Variants in DUSP7 observed in about 807,000 individuals in gnomAD.
DUSP7 encodes the protein dual specificity phosphatase 7, also known as dual specificity protein phosphatase 7.
A neutral mutation model predicts 29.8 loss-of-function variants in DUSP7; 7 were observed. The observed-to-expected ratio is 0.24, with a 90% CI of 0.13 to 0.44. The LOEUF is 0.44. DUSP7 is among the 20% of genes least tolerant of loss of function. The pLI is 1.00. For synonymous variants in DUSP7, 287 were observed against 275.4 expected, an observed-to-expected ratio of 1.04 and a Z score of -0.42; for missense variants, 400 against 583.7, an observed-to-expected ratio of 0.69 and a Z score of 3.24.
intron 2 of DUSP7, chr3:52,052,656 T>TTAGGA (rs1312465287): frequency 2.6e-5 from 4 of 152,392 alleles, no homozygotes; most frequent in African/African-American, 9.6e-5. Context: ...TGACTGATCC[T>TTAGGA]GTCCCACTGA....
rs374933715 is a variant in DUSP7 at position 52,056,037 on chromosome 3, G to A, written c.330C>T (p.Pro110=). 34 of 1,597,640 alleles carry A rather than the reference G, an allele frequency of 2.1e-5. No homozygotes were observed. Among genetic ancestry groups the A allele is most frequent in the Admixed American group, 3.5e-5 (2 of 57,728 alleles). Residue 110 remains proline, a synonymous_variant, in exon 1 of 3, where the codon CCC becomes CCT. Coordinates refer to ENST00000495880, the MANE Select transcript of DUSP7 (RefSeq NM_001947.4). The surrounding 1 kb of genome is among the most constrained non-coding windows in gnomAD (Gnocchi z 6.4). The part of the protein sequence containing the change: ...MLRRLRKGNL[P]IRSIIPNHAD... ...CGTGGTTGGGGATGATGGAGCGGAT[G>A]GGCAGGTTGCCCTTGCGCAGGCGGC... is the stretch of plus-strand genomic sequence containing the variant.
rs1280327699 is a variant in DUSP7 at position 52,056,109 on chromosome 3, C to A, written c.258G>T (p.Ser86=). The change falls in exon 1 of 3, where the codon TCG becomes TCT. Residue 86 remains serine (S), a synonymous_variant. Transcript: ENST00000495880. This position sits in a 1 kb window ranked among gnomAD's most constrained non-coding sequence, Gnocchi z 6.4. ...CCAGGTTGATGGCCGTCTCGATGTGCGACGACTCGAAGAGCTCGTGCGGCC... is the reference window on the plus strand; with the variant it reads ...CCAGGTTGATGGCCGTCTCGATGTGAGACGACTCGAAGAGCTCGTGCGGCC... ...DCRPHELFES[S]HIETAINLAI... The A allele has an allele frequency of 2.5e-6, 4 of 1,606,764 alleles. No homozygotes were observed. The highest frequency in any genetic ancestry group is 1.3e-5 in the African/African-American group (1 of 74,874).
rs545466585 is a variant in DUSP7, at chr3:52,053,644, C to G, written c.952+296G>C. 1.1e-5 allele frequency: 5 copies of G among 450,112 alleles called. No individual in the cohort carries two copies. The highest frequency in any genetic ancestry group is 2.0e-5 in the African/African-American group (1 of 50,684). 27.9% of individuals were successfully genotyped at this position (450,112 alleles called of 1,614,324 possible). A position where few individuals can be genotyped will look rare whatever the true frequency, so the allele number is the denominator to read the frequency against. ...CTGTGATGTTTCAGCTTGCTAAGCC[C>G]GAAACAACATCTAAGCCAGGAAAAC... On this transcript the variant is annotated intron_variant, in intron 2 of 2. Coordinates refer to ENST00000495880, the MANE Select transcript of DUSP7 (RefSeq NM_001947.4). This position sits in a 1 kb window ranked among gnomAD's most constrained non-coding sequence, Gnocchi z 4.6.
In DUSP7 at chr3:52,054,567, T is replaced by A. The variant is rs887662072; in HGVS notation, c.518-193A>T. ...ATCTAAACCATGACCACTTCACAGATAAGGAAACTGAGGCCCCAGAAGGTG... is the reference window on the plus strand; with the variant it reads ...ATCTAAACCATGACCACTTCACAGAAAAGGAAACTGAGGCCCCAGAAGGTG... On this transcript the variant is annotated intron_variant, in intron 1 of 2. Transcript: ENST00000495880. This position sits in a 1 kb window ranked among gnomAD's most constrained non-coding sequence, Gnocchi z 4.1. Among the ~76,000 whole-genome samples, 1 of 152,088 alleles carries A rather than the reference T, an allele frequency of 6.6e-6. No homozygotes were observed. The highest frequency in any genetic ancestry group is 1.5e-5 in the Non-Finnish European group (1 of 68,004).
In DUSP7 at chr3:52,054,193, G is replaced by T; in HGVS notation, c.699C>A (p.Asp233Glu). 6.2e-7 allele frequency: 1 copy of T among 1,613,346 alleles called. No individual in the cohort carries two copies. Among genetic ancestry groups the T allele is most frequent in the Non-Finnish European group, 8.5e-7 (1 of 1,179,460 alleles). Residue 233 changes from aspartate to glutamate, a missense_variant, in exon 2 of 3, where the codon GAC (aspartate) becomes GAA (glutamate). Asp to Glu is a conservative substitution (Grantham distance 45). Around this residue, in one of 4 missense-constraint regions of DUSP7, gnomAD observed 223 missense variants for 360.9 expected, o/e 0.62. Transcript: ENST00000495880. This position sits in a 1 kb window ranked among gnomAD's most constrained non-coding sequence, Gnocchi z 4.1. Reference sequence around the variant, plus strand: ...GTTGGCTGGATGGCACAGGGCTGCCGTCTGACTCGGTGGCACTGCTGGGCA... The same window carrying T: ...GTTGGCTGGATGGCACAGGGCTGCCTTCTGACTCGGTGGCACTGCTGGGCA... Reference protein sequence around the residue: ...RELPSSATESDGSPVPSSQPA... With the variant: ...RELPSSATESEGSPVPSSQPA...
In DUSP7 at chr3:52,056,135, G is replaced by A. The variant is rs1184275523; in HGVS notation, c.232C>T (p.Arg78Trp). The change falls in exon 1 of 3, where the codon CGG becomes TGG. Residue 78 changes from arginine to tryptophan, a missense_variant. Physicochemically the swap from Arg to Trp is moderately radical, Grantham distance 101 (BLOSUM62 -3). Around this residue, in one of 4 missense-constraint regions of DUSP7, gnomAD observed 223 missense variants for 360.9 expected, o/e 0.62. Coordinates refer to ENST00000495880, the MANE Select transcript of DUSP7 (RefSeq NM_001947.4). The surrounding 1 kb of genome is among the most constrained non-coding windows in gnomAD (Gnocchi z 6.4). ...GACGACTCGAAGAGCTCGTGCGGCCGGCAGTCGAGCAGCAGCAAGGACGCG... is the reference window on the plus strand; with the variant it reads ...GACGACTCGAAGAGCTCGTGCGGCCAGCAGTCGAGCAGCAGCAAGGACGCG... ...GGASLLLLDCRPHELFESSHI... is the reference protein window; with the variant it reads ...GGASLLLLDCWPHELFESSHI... 6.2e-7 allele frequency: 1 copy of A among 1,602,196 alleles called. No individual in the cohort carries two copies. Among genetic ancestry groups the A allele is most frequent in the Non-Finnish European group, 8.5e-7 (1 of 1,178,234 alleles).
rs1021239318 is a variant in DUSP7 at position 52,053,657 on chromosome 3, A to G, written c.952+283T>C. The G allele has an allele frequency of 2.1e-6, 1 of 482,112 alleles. No homozygotes were observed. Among genetic ancestry groups the G allele is most frequent in the African/African-American group, 1.9e-5 (1 of 51,604 alleles). The allele number at this position is 482,112 out of a possible 1,614,324, so 29.9% of individuals were successfully genotyped here. A position where few individuals can be genotyped will look rare whatever the true frequency, so the allele number is the denominator to read the frequency against. ...GCTTGCTAAGCCCGAAACAACATCT[A>G]AGCCAGGAAAACACAAGCTGGACAG... On this transcript the variant is annotated intron_variant, in intron 2 of 2. Transcript: ENST00000495880. The surrounding 1 kb of genome is among the most constrained non-coding windows in gnomAD (Gnocchi z 4.6).
In DUSP7 at chr3:52,050,529, G is replaced by T. The variant is rs764776272; in HGVS notation, c.*286C>A. The T allele has an allele frequency of 3.6e-5, 12 of 335,020 alleles. No individual in the cohort carries two copies. Among genetic ancestry groups the T allele is most frequent in the Non-Finnish European group, 4.9e-5 (9 of 183,958 alleles). The allele number at this position is 335,020 out of a possible 1,614,324, so 20.8% of individuals were successfully genotyped here. A position where few individuals can be genotyped will look rare whatever the true frequency, so the allele number is the denominator to read the frequency against. ...AAAAAACAGCCAAACTGGCTGGGCTGTCAGCAGAAAGGAGCGTCCTGGACA... is the reference window on the plus strand; with the variant it reads ...AAAAAACAGCCAAACTGGCTGGGCTTTCAGCAGAAAGGAGCGTCCTGGACA... On this transcript the variant is annotated 3_prime_UTR_variant, in exon 3 of 3. Coordinates refer to ENST00000495880, the MANE Select transcript of DUSP7 (RefSeq NM_001947.4). The surrounding 1 kb of genome is among the most constrained non-coding windows in gnomAD (Gnocchi z 5.0).
Position 52,053,371 on chromosome 3 carries a change from C to G in DUSP7, c.952+569G>C, listed in dbSNP as rs1378054050. On this transcript the variant is annotated intron_variant, in intron 2 of 2. Transcript: ENST00000495880. This position sits in a 1 kb window ranked among gnomAD's most constrained non-coding sequence, Gnocchi z 4.6. ...GCCTTTCTCCACTCCCCCACCTTCT[C>G]TTGCACTCCTCCCTACACTCCAAGC... 3 of 165,220 alleles carry G rather than the reference C, an allele frequency of 1.8e-5. No individual in the cohort carries two copies. Among genetic ancestry groups the G allele is most frequent in the African/African-American group, 7.2e-5 (3 of 41,734 alleles). The allele number at this position is 165,220 out of a possible 1,614,324, so 10.2% of individuals were successfully genotyped here. A position where few individuals can be genotyped will look rare whatever the true frequency, so the allele number is the denominator to read the frequency against.
Position 52,056,262 on chromosome 3 carries a change from C to T in DUSP7, c.105G>A (p.Ser35=), listed in dbSNP as rs1383722188. The T allele has an allele frequency of 1.3e-5, 17 of 1,321,436 alleles. No homozygotes were observed. The highest frequency in any genetic ancestry group is 2.0e-5 in the South Asian group (1 of 49,530). The allele number at this position is 1,321,436 out of a possible 1,614,324, so 81.9% of individuals were successfully genotyped here. ...TRAGSEPGAG[S]GSGAGTGAGA... ...CCGCCCCGGTGCCTGCGCCGGACCC[C>T]GACCCCGCACCGGGCTCGGACCCCG... The change falls in exon 1 of 3, where the codon TCG becomes TCA. Residue 35 remains serine (S), a synonymous_variant. Transcript: ENST00000495880. The surrounding 1 kb of genome is among the most constrained non-coding windows in gnomAD (Gnocchi z 6.4).
rs1473321316 is a variant in DUSP7, at chr3:52,054,293, G to A, written c.599C>T (p.Pro200Leu). 1 of 1,595,736 alleles carries A rather than the reference G, an allele frequency of 6.3e-7. No homozygotes were observed. The highest frequency in any genetic ancestry group is 8.5e-7 in the Non-Finnish European group (1 of 1,169,632). ...VDSSSSPSSS[P>L]PTSVLGLGGL... Reference sequence around the variant, plus strand: ...CCCCAGGCCCAGCACTGAGGTGGGTGGCGAGCTGCTCGGCGAGGAAGAGCT... The same window carrying A: ...CCCCAGGCCCAGCACTGAGGTGGGTAGCGAGCTGCTCGGCGAGGAAGAGCT... Residue 200 changes from proline (P) to leucine (L), a missense_variant, in exon 2 of 3, where the codon CCA (proline) becomes CTA (leucine). Physicochemically the swap from Pro to Leu is moderately conservative, Grantham distance 98. This residue lies in a region of DUSP7 where 223 missense variants were observed against 360.9 expected (regional missense o/e 0.62). Transcript: ENST00000495880. This position sits in a 1 kb window ranked among gnomAD's most constrained non-coding sequence, Gnocchi z 4.1.
In DUSP7 at chr3:52,053,645, G is replaced by A. The variant is rs930590758; in HGVS notation, c.952+295C>T. The A allele has an allele frequency of 8.9e-6, 4 of 451,594 alleles. No individual in the cohort carries two copies. Among genetic ancestry groups the A allele is most frequent in the South Asian group, 2.4e-5 (1 of 41,862 alleles). 28.0% of individuals were successfully genotyped at this position (451,594 alleles called of 1,614,324 possible). Reference sequence around the variant, plus strand: ...TGTGATGTTTCAGCTTGCTAAGCCCGAAACAACATCTAAGCCAGGAAAACA... The same window carrying A: ...TGTGATGTTTCAGCTTGCTAAGCCCAAAACAACATCTAAGCCAGGAAAACA... On this transcript the variant is annotated intron_variant, in intron 2 of 2. Coordinates refer to ENST00000495880, the MANE Select transcript of DUSP7 (RefSeq NM_001947.4). This position sits in a 1 kb window ranked among gnomAD's most constrained non-coding sequence, Gnocchi z 4.6.
At position 52,056,291 on chromosome 3, in the gene DUSP7, G is replaced by T; in HGVS notation, c.76C>A (p.Arg26=). ...TSGAAAAGGT[R]AGSEPGAGSG... is the part of the protein sequence containing the mutation. Reference sequence around the variant, plus strand: ...CCCGCACCGGGCTCGGACCCCGCCCGGGTGCCCCCAGCCGCCGCCGCCCCC... The same window carrying T: ...CCCGCACCGGGCTCGGACCCCGCCCTGGTGCCCCCAGCCGCCGCCGCCCCC... Residue 26 remains arginine (R), a synonymous_variant, in exon 1 of 3, where the codon CGG becomes AGG. Transcript: ENST00000495880. The surrounding 1 kb of genome is among the most constrained non-coding windows in gnomAD (Gnocchi z 6.4). 8.2e-7 allele frequency: 1 copy of T among 1,218,308 alleles called. No individual in the cohort carries two copies. The highest frequency in any genetic ancestry group is 1.0e-6 in the Non-Finnish European group (1 of 981,470). 75.5% of individuals were successfully genotyped at this position (1,218,308 alleles called of 1,614,324 possible).
rs1020892297 is a variant in DUSP7 at position 52,049,270 on chromosome 3, C to T, written c.*1545G>A. 12 of 152,246 alleles carry T rather than the reference C, an allele frequency of 7.9e-5. No individual in the cohort carries two copies. Among genetic ancestry groups the T allele is most frequent in the African/African-American group, 2.7e-4 (11 of 41,454 alleles). 9.4% of individuals were successfully genotyped at this position (152,246 alleles called of 1,614,324 possible). On this transcript the variant is annotated 3_prime_UTR_variant, in exon 3 of 3. Coordinates refer to ENST00000495880, the MANE Select transcript of DUSP7 (RefSeq NM_001947.4). ...GCAGTGGGGCAGAGTTTTTCTGTGG[C>T]CTCACTCACATGCTGAGTGCTGCTC...
Position 52,053,283 on chromosome 3 carries a change from G to C in DUSP7, c.952+657C>G, listed in dbSNP as rs1163952755. The C allele has an allele frequency of 6.5e-6, 1 of 154,380 alleles. No individual in the cohort carries two copies. Among genetic ancestry groups the C allele is most frequent in the Non-Finnish European group, 1.4e-5 (1 of 69,408 alleles). The allele number at this position is 154,380 out of a possible 1,614,324, so 9.6% of individuals were successfully genotyped here. ...GCAGTGGGGACCCGAGTCTGCTGAG[G>C]CTGGGGATACAGGGACTCGAAGGGC... On this transcript the variant is annotated intron_variant, in intron 2 of 2. Coordinates refer to ENST00000495880, the MANE Select transcript of DUSP7 (RefSeq NM_001947.4). This position sits in a 1 kb window ranked among gnomAD's most constrained non-coding sequence, Gnocchi z 4.6.
rs534890950 is a variant in DUSP7 at position 52,053,323 on chromosome 3, C to G, written c.952+617G>C. ...ACTCGAAGGGCACTAAGCCAGACAG[C>G]AGGACACACTGCTCTGGGGAAGGCC... is the stretch of plus-strand genomic sequence containing the variant. On this transcript the variant is annotated intron_variant, in intron 2 of 2. Coordinates refer to ENST00000495880, the MANE Select transcript of DUSP7 (RefSeq NM_001947.4). This position sits in a 1 kb window ranked among gnomAD's most constrained non-coding sequence, Gnocchi z 4.6. 141 of 158,520 alleles carry G rather than the reference C, an allele frequency of 8.9e-4. No individual in the cohort carries two copies. Among genetic ancestry groups the G allele is most frequent in the Admixed American group, 1.8e-3 (31 of 17,176 alleles). 9.8% of individuals were successfully genotyped at this position (158,520 alleles called of 1,614,324 possible).
rs2106892627 is a variant in DUSP7 at position 52,053,433 on chromosome 3, C to T, written c.952+507G>A. Reference sequence around the variant, plus strand: ...GCTGCAGAGAGCATCTGGAGGCTGACTGAGCTAGCAGTCACCACATTTCAA... The same window carrying T: ...GCTGCAGAGAGCATCTGGAGGCTGATTGAGCTAGCAGTCACCACATTTCAA... On this transcript the variant is annotated intron_variant, in intron 2 of 2. Transcript: ENST00000495880. The surrounding 1 kb of genome is among the most constrained non-coding windows in gnomAD (Gnocchi z 4.6). 5.3e-6 allele frequency: 1 copy of T among 190,098 alleles called. No individual in the cohort carries two copies. Among genetic ancestry groups the T allele is most frequent in the South Asian group, 1.0e-4 (1 of 9,894 alleles). The allele number at this position is 190,098 out of a possible 1,614,324, so 11.8% of individuals were successfully genotyped here. A position where few individuals can be genotyped will look rare whatever the true frequency, so the allele number is the denominator to read the frequency against.
chr3:52,053,862 G>T lies in DUSP7; in HGVS notation c.952+78C>A. 1 of 1,532,022 alleles carries T rather than the reference G, an allele frequency of 6.5e-7. No individual in the cohort carries two copies. The highest frequency in any genetic ancestry group is 2.3e-5 in the East Asian group (1 of 44,214). The allele number at this position is 1,532,022 out of a possible 1,614,324, so 94.9% of individuals were successfully genotyped here. Reference sequence around the variant, plus strand: ...GTCTCAACAGGCCCAGAGGTACCCAGTCAGGCGGGGGCGCCACCCAGAGTC... The same window carrying T: ...GTCTCAACAGGCCCAGAGGTACCCATTCAGGCGGGGGCGCCACCCAGAGTC... On this transcript the variant is annotated intron_variant, in intron 2 of 2. Transcript: ENST00000495880. This position sits in a 1 kb window ranked among gnomAD's most constrained non-coding sequence, Gnocchi z 4.6.
rs571504091 is a variant in DUSP7, at chr3:52,055,623, T to A, written c.517+227A>T. Among the ~76,000 whole-genome samples the A allele has an allele frequency of 7.9e-5, 12 of 152,162 alleles. No individual in the cohort carries two copies. The South Asian group carries it at 2.3e-3, about 29-fold the overall frequency. ...AAGGAAACCCCAGGCAGGGGAAAGT[T>A]TGTTCCACCCACTCGAATCGTGCCG... is the stretch of plus-strand genomic sequence containing the variant. On this transcript the variant is annotated intron_variant, in intron 1 of 2. Coordinates refer to ENST00000495880, the MANE Select transcript of DUSP7 (RefSeq NM_001947.4).
Sources: allele counts gnomAD v4.1 joint callset (sites outside exome capture counted in the v4.1 genomes callset), GRCh38; gene constraint gnomAD v4.1.1; regional missense constraint gnomAD v4.1.1; non-coding constraint Gnocchi (gnomAD v3.1); transcripts MANE v1.5; gene names NCBI Gene and HGNC (gene_info 2026-07-23, HGNC 2026-07-21).